The following EHBP1L1 variants were observed in gnomAD, a reference collection of about 807,000 sequenced individuals.
The protein encoded by EHBP1L1 is EH domain-binding protein 1-like protein 1.
Under a neutral mutation model 151.1 loss-of-function variants are expected in EHBP1L1, and 122 were observed. That is an observed-to-expected ratio of 0.81 (90% CI 0.70 to 0.94). The LOEUF is 0.94. Among genes scored for constraint, EHBP1L1 ranks in the 40% least tolerant of loss-of-function variants. The pLI is 0.00. For missense variants in EHBP1L1, 1,941 were observed against 1,959.8 expected (o/e 0.99, Z 0.18); for synonymous variants, 878 against 810.1 (o/e 1.08, Z -1.42).
Position 65,585,333 on chromosome 11 carries a change from C to A in EHBP1L1, c.3675C>A (p.Ala1225=). Residue 1225 remains alanine (A), a synonymous_variant, in exon 12 of 19, where the codon GCC becomes GCA. Transcript: ENST00000309295. The surrounding 1 kb of genome is among the most constrained non-coding windows in gnomAD (Gnocchi z 4.0). ...GRASKDGGAE[A]PRESRPAEVP... Reference sequence around the variant, plus strand: ...CCTCCAAGGACGGCGGGGCCGAGGCCCCCCGAGAGTCGCGACCCGCGGAGG... The same window carrying A: ...CCTCCAAGGACGGCGGGGCCGAGGCACCCCGAGAGTCGCGACCCGCGGAGG... 1 of 1,107,286 alleles carries A rather than the reference C, an allele frequency of 9.0e-7. No homozygotes were observed. Among genetic ancestry groups the A allele is most frequent in the Non-Finnish European group, 1.1e-6 (1 of 908,260 alleles). The allele number at this position is 1,107,286 out of a possible 1,614,324, so 68.6% of individuals were successfully genotyped here.
Position 65,582,659 on chromosome 11 carries a change from GTT to G in EHBP1L1, c.1990_1991del (p.Leu664AlafsTer10), listed in dbSNP as rs1172127454. ...TQKTEAGGSG[V>X]LQTRTTIAET... ...GAAAACAGAAGCTGGGGGTTCAGGA[GTT>G]TTGCAGACAAGAACTACGATAGCAG... On this transcript the variant is annotated frameshift_variant, in exon 9 of 19. Coordinates refer to ENST00000309295, the MANE Select transcript of EHBP1L1 (RefSeq NM_001099409.3). LOFTEE classifies it high-confidence loss of function. 1 of 1,613,560 alleles carries G rather than the reference GTT, an allele frequency of 6.2e-7. No homozygotes were observed. Among genetic ancestry groups the G allele is most frequent in the African/African-American group, 1.3e-5 (1 of 74,898 alleles).
In EHBP1L1 at chr11:65,585,632, G is replaced by T. The variant is rs768084328; in HGVS notation, c.3933+41G>T. 6.5e-7 allele frequency: 1 copy of T among 1,536,546 alleles called. No homozygotes were observed. The highest frequency in any genetic ancestry group is 1.2e-5 in the South Asian group (1 of 84,444). On this transcript the variant is annotated intron_variant, in intron 12 of 18. Transcript: ENST00000309295. The surrounding 1 kb of genome is among the most constrained non-coding windows in gnomAD (Gnocchi z 4.0). ...CTTCTTTCTTCCCCCGCCGCAGCGC[G>T]GGGTCCCGGGAAGATGGGCAGAGAA...
rs1158976335 is a variant in EHBP1L1 at position 65,583,773 on chromosome 11, T to A, written c.3093+8T>A. The A allele has an allele frequency of 2.7e-6, 4 of 1,469,352 alleles. No homozygotes were observed. Among genetic ancestry groups the A allele is most frequent in the Non-Finnish European group, 3.6e-6 (4 of 1,114,514 alleles). The allele number at this position is 1,469,352 out of a possible 1,614,324, so 91.0% of individuals were successfully genotyped here. On this transcript the variant is annotated splice_region_variant and intron_variant, in intron 9 of 18. Transcript: ENST00000309295. ...AGGCTGCCGGGCAGCCAGGTAGGGA[T>A]GGGGGCCGCCGAGGGCCCAGTCTGC...
At chr11:65,587,411 G>A (rs1222796584) in intron 12 of EHBP1L1, among the ~76,000 whole-genome samples, 1 of 151,992 alleles carries the variant, frequency 6.6e-6, no homozygotes, top group Non-Finnish European at 1.5e-5. Context: ...TAGACATGAG[G>A]AAGCACTGGA....
intron 6 of EHBP1L1, 174 bp from the exon 7 acceptor site, chr11:65,580,884 C>G (rs1857564871): frequency 7.1e-7 from 1 of 1,413,118 alleles, no homozygotes; most frequent in African/African-American, 1.5e-5. Flanking sequence ...TTGAGGTTCT[C>G]TCTCTCTTTC....
intron 16 of EHBP1L1, 37 bp from the exon 17 acceptor site, chr11:65,591,763 G>GCCCCCCCCCCC: frequency 2.3e-4 from 259 of 1,128,532 alleles, no homozygotes; most frequent in Non-Finnish European, 2.1e-4. Context: ...TTCCTGAACT[G>GCCCCCCCCCCC]CCACCCCCCC....
chr11:65,591,703 T>G (rs1349772736), intron 16 of EHBP1L1, 97 bp from the exon 17 acceptor site: 2 of 980,050 alleles, frequency 2.0e-6, no homozygotes, highest in Non-Finnish European at 3.2e-6. Context: ...GGAGGTGGGA[T>G]GGGGTCAGGG....
chr11:65,587,427 C>T (rs1858030966), intron 12 of EHBP1L1, among the ~76,000 whole-genome samples: 1 of 152,044 alleles, frequency 6.6e-6, no homozygotes, highest in South Asian at 2.1e-4. Context: ...CTGGAATTCC[C>T]ACGAGGCCTG....
In EHBP1L1 at chr11:65,585,207, C is replaced by T; in HGVS notation, c.3549C>T (p.Arg1183=). The change falls in exon 12 of 19, where the codon CGC becomes CGT. Residue 1183 remains arginine, a synonymous_variant. Transcript: ENST00000309295. This position sits in a 1 kb window ranked among gnomAD's most constrained non-coding sequence, Gnocchi z 4.0. ...LDAGGLAQRL[R]GHGAEGPQEP... The stretch of plus-strand genomic sequence containing the variant: ...CCGGAGGCCTGGCGCAGCGGCTGCG[C>T]GGTCACGGGGCCGAGGGGCCCCAGG... The T allele has an allele frequency of 1.7e-6, 2 of 1,172,568 alleles. No individual in the cohort carries two copies. The highest frequency in any genetic ancestry group is 4.7e-5 in the East Asian group (1 of 21,504). The allele number at this position is 1,172,568 out of a possible 1,614,324, so 72.6% of individuals were successfully genotyped here.
chr11:65,581,050 A>C lies in EHBP1L1; in HGVS notation c.635-8A>C. The C allele has an allele frequency of 6.2e-7, 1 of 1,602,558 alleles. No individual in the cohort carries two copies. Among genetic ancestry groups the C allele is most frequent in the Admixed American group, 1.7e-5 (1 of 58,336 alleles). On this transcript the variant is annotated splice_polypyrimidine_tract_variant and splice_region_variant and intron_variant, in intron 6 of 18. Coordinates refer to ENST00000309295, the MANE Select transcript of EHBP1L1 (RefSeq NM_001099409.3). ...CTCTGCCCTTCTCCCCTCTCCTACC[A>C]TTCCCAGATCCCTCTCGAGAGCTGA... is the stretch of plus-strand genomic sequence containing the variant.
At position 65,581,982 on chromosome 11, in the gene EHBP1L1, C is replaced by T. The variant is rs756115656; in HGVS notation, c.1310C>T (p.Thr437Ile). 165 of 1,613,638 alleles carry T rather than the reference C, an allele frequency of 1.0e-4. No individual in the cohort carries two copies. The highest frequency in any genetic ancestry group is 1.3e-4 in the Non-Finnish European group (155 of 1,179,842). ...EQRSKVRHVD[T>I]KGPEATGVMP... ...AGGTCAAAGGTGAGACATGTGGACA[C>T]TAAGGGACCAGAGGCGACAGGGGTG... Residue 437 changes from threonine to isoleucine, a missense_variant, in exon 9 of 19, where the codon ACT (threonine) becomes ATT (isoleucine). By Grantham distance (89) the Thr-to-Ile change is moderately conservative. Transcript: ENST00000309295.
chr11:65,580,113 G>A lies in EHBP1L1; in HGVS notation c.345G>A (p.Thr115=), dbSNP rs762682173. The change falls in exon 5 of 19, where the codon ACG becomes ACA. Residue 115 remains threonine, a synonymous_variant. Coordinates refer to ENST00000309295, the MANE Select transcript of EHBP1L1 (RefSeq NM_001099409.3). ...ESKGQRKVLA[T]AEVDLARHAG... ...AGGGGCAGCGGAAGGTGCTGGCCAC[G>A]GCCGAGGTGGACCTGGCCCGCCATG... 37 of 1,613,168 alleles carry A rather than the reference G, an allele frequency of 2.3e-5. No individual in the cohort carries two copies. The highest frequency in any genetic ancestry group is 2.0e-4 in the East Asian group (9 of 44,888).
In EHBP1L1 at chr11:65,581,781, CT is replaced by C; in HGVS notation, c.1113del (p.Phe371LeufsTer62). 6.2e-7 allele frequency: 1 copy of C among 1,612,902 alleles called. No individual in the cohort carries two copies. The highest frequency in any genetic ancestry group is 8.5e-7 in the Non-Finnish European group (1 of 1,179,490). On this transcript the variant is annotated frameshift_variant, in exon 9 of 19. Transcript: ENST00000309295. LOFTEE classifies it high-confidence loss of function. ...PSIEDKGSGD[P>X]FGRQRLKAEE... ...ATTGAGGATAAAGGTTCTGGAGACC[CT>C]TTTGGAAGGCAGAGACTCAAGGCTG...
chr11:65,576,449 GA>G (rs1857329940), intron 1 of EHBP1L1, 43 bp downstream of exon 1: 1 of 1,528,104 alleles, frequency 6.5e-7, no homozygotes, highest in South Asian at 1.2e-5. Context: ...AACTTGCTGG[GA>G]CCTCATCCGG....
In EHBP1L1 at chr11:65,583,344, C is replaced by CT. The variant is rs1857743558; in HGVS notation, c.2673dup (p.Arg892Ter). 6 of 1,613,466 alleles carry CT rather than the reference C, an allele frequency of 3.7e-6. No individual in the cohort carries two copies. The highest frequency in any genetic ancestry group is 2.5e-6 in the Non-Finnish European group (3 of 1,179,732). On this transcript the variant is annotated frameshift_variant, in exon 9 of 19. Coordinates refer to ENST00000309295, the MANE Select transcript of EHBP1L1 (RefSeq NM_001099409.3). LOFTEE classifies it high-confidence loss of function. ...ACTTCGGGGGTCCAGGAAGCAGAGA[C>CT]TAGAGTTGGGAGTGCTCTCAAATAT...
rs1388932169 is a variant in EHBP1L1, at chr11:65,583,334, G to A, written c.2662G>A (p.Glu888Lys). The change falls in exon 9 of 19, where the codon GAA becomes AAA. Residue 888 changes from glutamate to lysine, a missense_variant. Glu to Lys is a moderately conservative substitution (Grantham distance 56). Coordinates refer to ENST00000309295, the MANE Select transcript of EHBP1L1 (RefSeq NM_001099409.3). The part of the protein sequence containing the change: ...KEEAQTSGVQ[E>K]AETRVGSALK... ...AGAGGCTCAGACTTCGGGGGTCCAG[G>A]AAGCAGAGACTAGAGTTGGGAGTGC... 3.1e-6 allele frequency: 5 copies of A among 1,613,592 alleles called. No homozygotes were observed. The highest frequency in any genetic ancestry group is 4.2e-6 in the Non-Finnish European group (5 of 1,179,818).
Position 65,585,262 on chromosome 11 carries a change from G to A in EHBP1L1, c.3604G>A (p.Gly1202Arg). ...CAAGGAGGCCGCAGACCGCGCAGAC[G>A]GGGCGGCCCCGGGGGTGGCCTCCAG... ...EPKEAADRADGAAPGVASRNA... is the reference protein window; with the variant it reads ...EPKEAADRADRAAPGVASRNA... Residue 1202 changes from glycine to arginine, a missense_variant, in exon 12 of 19, where the codon GGG (glycine) becomes AGG (arginine). By Grantham distance (125) the Gly-to-Arg change is moderately radical. Transcript: ENST00000309295. The surrounding 1 kb of genome is among the most constrained non-coding windows in gnomAD (Gnocchi z 4.0). 9.2e-7 allele frequency: 1 copy of A among 1,088,038 alleles called. No individual in the cohort carries two copies. The highest frequency in any genetic ancestry group is 1.1e-6 in the Non-Finnish European group (1 of 895,788). 67.4% of individuals were successfully genotyped at this position (1,088,038 alleles called of 1,614,324 possible). A position where few individuals can be genotyped will look rare whatever the true frequency, so the allele number is the denominator to read the frequency against.
At chr11:65,579,864 T>A in intron 3 of EHBP1L1, 72 bp from the exon 4 acceptor site, 1 of 1,508,636 alleles carries the variant, frequency 6.6e-7, no homozygotes, top group Non-Finnish European at 9.2e-7. Flanking sequence ...AAGCACCTCC[T>A]GAGCCAGACA....
In EHBP1L1 at chr11:65,576,320, G is replaced by A. The variant is rs1206967166; in HGVS notation, c.18G>A (p.Lys6=). The A allele has an allele frequency of 3.8e-6, 6 of 1,595,684 alleles. No homozygotes were observed. In the East Asian group the frequency reaches 6.8e-5, roughly 18 times the overall value. ...CGGGGGCCATGACCTCGGTGTGGAA[G>A]CGCCTGCAGCGCGTGGGCAAGCGGG... The part of the protein sequence containing the change: MTSVW[K]RLQRVGKRAA... Residue 6 remains lysine, a synonymous_variant, in exon 1 of 19, where the codon AAG becomes AAA. Coordinates refer to ENST00000309295, the MANE Select transcript of EHBP1L1 (RefSeq NM_001099409.3).
Sources: gnomAD v4.1 joint callset for allele counts (sites outside exome capture counted in the v4.1 genomes callset) on GRCh38, gnomAD v4.1.1 for gene constraint, Gnocchi (gnomAD v3.1) non-coding constraint, MANE v1.5 for transcripts, NCBI Gene and HGNC (gene_info 2026-07-23, HGNC 2026-07-21) for gene names.